CSMD1: variants seen among roughly 807,000 people sequenced by gnomAD.
The protein encoded by CSMD1 is CUB and sushi domain-containing protein 1.
A neutral mutation model predicts 417.5 loss-of-function variants in CSMD1; 213 were observed. That is an observed-to-expected ratio of 0.51 (90% CI 0.46 to 0.57). The LOEUF (loss-of-function observed/expected upper bound fraction) is 0.57. CSMD1 is among the 20% of genes least tolerant of loss of function. The pLI, the probability that CSMD1 is intolerant of heterozygous loss-of-function variation, is 0.00. For synonymous variants in CSMD1, 2,862 were observed against 1,736.8 expected, an observed-to-expected ratio of 1.65 and a Z score of -16.11; for missense variants, 6,923 against 4,529.7, an observed-to-expected ratio of 1.53 and a Z score of -15.17.
chr8:4,783,986 T>C (rs1244865844), intron 1 of CSMD1, among the ~76,000 whole-genome samples: 3 of 152,238 alleles, frequency 2.0e-5, no homozygotes, highest in African/African-American at 7.2e-5. Flanking sequence ...GGTGCATGGC[T>C]ACAATTAATC....
chr8:3,993,782 G>A (rs1252267953), intron 5 of CSMD1, among the ~76,000 whole-genome samples: 3 of 152,140 alleles, frequency 2.0e-5, no homozygotes, highest in Non-Finnish European at 4.4e-5. Context: ...TTCCAGGGAG[G>A]GAGATCACAC....
chr8:3,352,540 T>G (rs1192321350), intron 21 of CSMD1, among the ~76,000 whole-genome samples: 1 of 152,300 alleles, frequency 6.6e-6, no homozygotes, highest in South Asian at 2.1e-4. Flanking sequence ...TGCATGTTCT[T>G]ATTACTATTA....
In CSMD1 at chr8:4,564,000, G is replaced by C. The variant is rs146051790; in HGVS notation, c.302+73342C>G. 1.2e-4 allele frequency among the ~76,000 whole-genome samples: 19 copies of C among 152,284 alleles called. No individual in the cohort carries two copies. The East Asian group carries it at 2.7e-3, about 22-fold the overall frequency. ...AACATCTGCAGATTCCCAGGAAAAT[G>C]AGGAGTTACGCCCATGGAGTTGCAA... On this transcript the variant is annotated intron_variant, in intron 2 of 69. Transcript: ENST00000635120.
At chr8:3,787,593 G>T (rs928273341) in intron 5 of CSMD1, among the ~76,000 whole-genome samples, 1 of 152,124 alleles carries the variant, frequency 6.6e-6, no homozygotes, top group African/African-American at 2.4e-5. Flanking sequence ...TAAAGATGTA[G>T]TTGCTACAAC....
chr8:3,870,423 A>G (rs1299904502), intron 5 of CSMD1, among the ~76,000 whole-genome samples: 2 of 152,084 alleles, frequency 1.3e-5, no homozygotes, highest in East Asian at 3.9e-4. Flanking sequence ...TGAAACATTT[A>G]TATGCATATA....
At chr8:3,251,132 C>A (rs544517635) in intron 26 of CSMD1, among the ~76,000 whole-genome samples, 4 of 152,024 alleles carry the variant, frequency 2.6e-5, no homozygotes, top group African/African-American at 9.7e-5. Context: ...ACATGAAGTC[C>A]TTGCCCGTGC....
chr8:3,033,495 G>A (rs761062824), intron 50 of CSMD1, among the ~76,000 whole-genome samples: 6 of 151,948 alleles, frequency 3.9e-5, no homozygotes, highest in Non-Finnish European at 8.8e-5. Flanking sequence ...CGGTTAACAC[G>A]GGAACAGAAA....
intron 37 of CSMD1, among the ~76,000 whole-genome samples, chr8:3,173,427 G>C (rs1820706862): frequency 6.6e-6 from 1 of 152,164 alleles, no homozygotes; most frequent in Admixed American, 6.5e-5. Context: ...ATCTTTGATT[G>C]ATATTAATGA....
intron 5 of CSMD1, among the ~76,000 whole-genome samples, chr8:3,996,098 G>T (rs1265264602): frequency 6.6e-6 from 1 of 152,160 alleles, no homozygotes; most frequent in Non-Finnish European, 1.5e-5. Context: ...CTCATGATCT[G>T]TATTTTCTGA....
In CSMD1 at chr8:2,974,454, T is replaced by G; in HGVS notation, c.8737A>C (p.Thr2913Pro). 1 of 1,601,630 alleles carries G rather than the reference T, an allele frequency of 6.2e-7. No individual in the cohort carries two copies. Among genetic ancestry groups the G allele is most frequent in the Non-Finnish European group, 8.5e-7 (1 of 1,171,896 alleles). The change falls in exon 56 of 70, where the codon ACA becomes CCA. Residue 2913 changes from threonine to proline, a missense_variant. Coordinates refer to ENST00000635120, the MANE Select transcript of CSMD1 (RefSeq NM_033225.6). ...SHWSGALPHC[T>P]GNNPGFCGDP... ...AGTTCACTCGTAAGCCCCTCACCTGTGCAGTGGGGCAGTGCCCCGCTCCAG... is the reference window on the plus strand; with the variant it reads ...AGTTCACTCGTAAGCCCCTCACCTGGGCAGTGGGGCAGTGCCCCGCTCCAG...
intron 3 of CSMD1, among the ~76,000 whole-genome samples, chr8:4,347,387 C>G (rs765071054): frequency 3.9e-5 from 6 of 152,100 alleles, no homozygotes; most frequent in Non-Finnish European, 7.4e-5. Context: ...CTTGGGACAT[C>G]TAAGACATTA....
rs189018588 is a variant in CSMD1, at chr8:4,731,109, T to A, written c.86-93551A>T. On this transcript the variant is annotated intron_variant, in intron 1 of 69. Transcript: ENST00000635120. ...ATTACCAGCTGTAACCTGCTTTTGA[T>A]TTGCCCATATGAGAAACCATGAGAT... is the stretch of plus-strand genomic sequence containing the variant. 2.3e-4 allele frequency among the ~76,000 whole-genome samples: 35 copies of A among 152,316 alleles called. 1 individual carries two copies. The highest frequency in any genetic ancestry group is 1.8e-3 in the Admixed American group (27 of 15,304).
chr8:3,515,815 G>T (rs538712015), intron 10 of CSMD1, among the ~76,000 whole-genome samples: 1 of 152,308 alleles, frequency 6.6e-6, no homozygotes, highest in African/African-American at 2.4e-5. Context: ...ACTGGGCAAT[G>T]GAATTGCCTA....
chr8:4,174,865 T>C (rs1051940686), intron 3 of CSMD1, among the ~76,000 whole-genome samples: 3 of 149,046 alleles, frequency 2.0e-5, no homozygotes, highest in African/African-American at 7.5e-5. Context: ...AGATAAAATA[T>C]TGATGTTAAT....
chr8:3,884,673 T>C (rs1806434230), intron 5 of CSMD1, among the ~76,000 whole-genome samples: 1 of 152,084 alleles, frequency 6.6e-6, no homozygotes, highest in African/African-American at 2.4e-5. Flanking sequence ...TATTCTTCTC[T>C]TTTAAATTAT....
intron 1 of CSMD1, among the ~76,000 whole-genome samples, chr8:4,771,843 G>A (rs901179105): frequency 9.2e-5 from 14 of 152,202 alleles, no homozygotes; most frequent in African/African-American, 3.1e-4. Context: ...TTTCTGTTGT[G>A]GTTTTAATCC....
chr8:4,540,321 A>T (rs185913479), intron 2 of CSMD1, among the ~76,000 whole-genome samples: 6 of 152,272 alleles, frequency 3.9e-5, no homozygotes, highest in African/African-American at 1.4e-4. Context: ...ACCACTAAAA[A>T]ACTTTTCCAT....
intron 10 of CSMD1, among the ~76,000 whole-genome samples, chr8:3,566,647 T>C (rs1336073729): frequency 1.3e-5 from 2 of 151,616 alleles, no homozygotes; most frequent in African/African-American, 4.8e-5. Context: ...CAAAAGAATA[T>C]ATACATTCAG....
At chr8:4,923,385 C>A (rs778255563) in intron 1 of CSMD1, among the ~76,000 whole-genome samples, 8 of 152,108 alleles carry the variant, frequency 5.3e-5, no homozygotes, top group Non-Finnish European at 7.4e-5. Flanking sequence ...AAGAGTGTAA[C>A]TGGATTGTTT....
Sources: allele counts gnomAD v4.1 joint callset (sites outside exome capture counted in the v4.1 genomes callset), GRCh38; gene constraint gnomAD v4.1.1; transcripts MANE v1.5; gene names NCBI Gene and HGNC (gene_info 2026-07-23, HGNC 2026-07-21).